ASXL3: variants seen among roughly 807,000 people sequenced by gnomAD.
The protein encoded by ASXL3 is putative Polycomb group protein ASXL3.
In ASXL3, 34 loss-of-function variants were observed where a neutral mutation model predicts 170.6. The ratio of observed to expected loss-of-function variants is 0.20; its 90% CI spans 0.15 to 0.27. The LOEUF is 0.27. Ranked by LOEUF, ASXL3 falls within the 10% of genes least tolerant of loss-of-function variation. The pLI, the probability that ASXL3 is intolerant of heterozygous loss-of-function variation, is 1.00. For synonymous variants in ASXL3, 1,002 were observed against 989.1 expected (o/e 1.01, Z -0.24); for missense variants, 2,592 against 2,695.3 (o/e 0.96, Z 0.85).
At position 33,653,472 on chromosome 18, in the gene ASXL3, G is replaced by C. The variant is rs988655528; in HGVS notation, c.355+7119G>C. The stretch of plus-strand genomic sequence containing the variant: ...TGGTGGCCTAGAGAAACTTAAGTAT[G>C]TGAGAATTATGTTGTTTTAGTTACA... On this transcript the variant is annotated intron_variant, in intron 4 of 11. Coordinates refer to ENST00000269197, the MANE Select transcript of ASXL3 (RefSeq NM_030632.3). Among the ~76,000 whole-genome samples, 7 of 152,232 alleles carry C rather than the reference G, an allele frequency of 4.6e-5. No homozygotes were observed. The South Asian group carries it at 1.4e-3, about 32-fold the overall frequency.
intron 2 of ASXL3, among the ~76,000 whole-genome samples, chr18:33,631,736 A>G (rs1333230941): frequency 6.6e-6 from 1 of 152,112 alleles, no homozygotes; most frequent in Non-Finnish European, 1.5e-5. Flanking sequence ...AGCCCCATCC[A>G]GATATTTTTA....
chr18:33,677,653 T>C (rs1241886109), intron 7 of ASXL3, among the ~76,000 whole-genome samples: 1 of 152,186 alleles, frequency 6.6e-6, no homozygotes, highest in African/African-American at 2.4e-5. Context: ...ACTTTTTGAA[T>C]ATCGAAGTTG....
intron 8 of ASXL3, among the ~76,000 whole-genome samples, chr18:33,719,928 C>T (rs555470999): frequency 3.3e-5 from 5 of 152,010 alleles, no homozygotes; most frequent in Middle Eastern, 3.2e-3. Flanking sequence ...GCAGACCAGA[C>T]AGACTAAGGC....
intron 2 of ASXL3, among the ~76,000 whole-genome samples, chr18:33,613,516 C>T (rs983483900): frequency 2.0e-5 from 3 of 152,082 alleles, no homozygotes; most frequent in African/African-American, 4.8e-5. Flanking sequence ...AAGGGAGTCA[C>T]ACAAATTGTT....
intron 8 of ASXL3, among the ~76,000 whole-genome samples, chr18:33,713,436 C>A (rs1168782609): frequency 4.6e-5 from 7 of 150,702 alleles, no homozygotes; most frequent in African/African-American, 7.3e-5. Flanking sequence ...TTTGTGTATT[C>A]TTCATGGAGA....
In ASXL3 at chr18:33,750,360, A is replaced by G. The variant is rs573580845; in HGVS notation, c.*3765A>G. On this transcript the variant is annotated 3_prime_UTR_variant, in exon 12 of 12. Coordinates refer to ENST00000269197, the MANE Select transcript of ASXL3 (RefSeq NM_030632.3). ...TATAGCACATACTATTTCGCTTTGT[A>G]CTATATTTGATAGTTGCAGAATAAT... 2.6e-5 allele frequency: 4 copies of G among 152,218 alleles called. No homozygotes were observed. The highest frequency in any genetic ancestry group is 2.0e-4 in the Admixed American group (3 of 15,276). 9.4% of individuals were successfully genotyped at this position (152,218 alleles called of 1,614,324 possible).
At chr18:33,699,801 A>C (rs557431450) in intron 8 of ASXL3, among the ~76,000 whole-genome samples, 1 of 152,016 alleles carries the variant, frequency 6.6e-6, no homozygotes, top group Non-Finnish European at 1.5e-5. Flanking sequence ...ATTTTATTTC[A>C]TAATATAGTT....
chr18:33,613,307 T>A (rs2145135451), intron 2 of ASXL3, among the ~76,000 whole-genome samples: 1 of 152,282 alleles, frequency 6.6e-6, no homozygotes, highest in Non-Finnish European at 1.5e-5. Flanking sequence ...TTCCTTACCT[T>A]ACCTGGATTA....
rs1334030952 is a variant in ASXL3 at position 33,744,397 on chromosome 18, C to T, written c.4549C>T (p.Pro1517Ser). Residue 1517 changes from proline (P) to serine (S), a missense_variant, in exon 12 of 12, where the codon CCT (proline) becomes TCT (serine). Pro to Ser is a moderately conservative substitution (Grantham distance 74). Around this residue, in one of 4 missense-constraint regions of ASXL3, gnomAD observed 2,246 missense variants for 2,219.6 expected, o/e 1.01. Transcript: ENST00000269197. The stretch of plus-strand genomic sequence containing the variant: ...GGCATCCGTACAGCCCGTGGCGTGT[C>T]CTCAGGTGTCTGTGATTAGCAGGCC... ...TEASVQPVAC[P>S]QVSVISRPEP... is the part of the protein sequence containing the mutation. 1 of 1,613,830 alleles carries T rather than the reference C, an allele frequency of 6.2e-7. No homozygotes were observed. Among genetic ancestry groups the T allele is most frequent in the Admixed American group, 1.7e-5 (1 of 59,992 alleles).
At chr18:33,705,707 A>G (rs1236535482) in intron 8 of ASXL3, among the ~76,000 whole-genome samples, 2 of 152,026 alleles carry the variant, frequency 1.3e-5, no homozygotes, top group South Asian at 2.1e-4. Flanking sequence ...GAAATTATGG[A>G]AGGAAAAAAT....
intron 8 of ASXL3, among the ~76,000 whole-genome samples, chr18:33,724,059 T>C (rs991618006): frequency 3.9e-5 from 6 of 152,180 alleles, no homozygotes; most frequent in African/African-American, 1.2e-4. Context: ...TTATATGTAC[T>C]GGGAAACCAA....
chr18:33,670,254 TTGAC>T (rs1389483605), intron 5 of ASXL3, among the ~76,000 whole-genome samples: 2 of 152,240 alleles, frequency 1.3e-5, no homozygotes, highest in East Asian at 1.9e-4. Flanking sequence ...GTTAACTTGA[TTGAC>T]TGAGCGGTAC....
chr18:33,736,802 C>T (rs1435901159), intron 10 of ASXL3, among the ~76,000 whole-genome samples: 1 of 152,178 alleles, frequency 6.6e-6, no homozygotes, highest in African/African-American at 2.4e-5. Context: ...GAACTGTGAA[C>T]ATCTTCCTCC....
intron 2 of ASXL3, among the ~76,000 whole-genome samples, chr18:33,635,235 C>T (rs2065746852): frequency 6.6e-6 from 1 of 152,132 alleles, no homozygotes; most frequent in African/African-American, 2.4e-5. Flanking sequence ...TAAATGAGGC[C>T]TAGAAAAATA....
intron 2 of ASXL3, among the ~76,000 whole-genome samples, chr18:33,632,423 C>T (rs1244189487): frequency 1.3e-5 from 2 of 152,136 alleles, no homozygotes; most frequent in African/African-American, 4.8e-5. Context: ...TTATCCTGAA[C>T]ACCACCATTA....
intron 4 of ASXL3, among the ~76,000 whole-genome samples, chr18:33,658,944 CTT>C (rs1376334108): frequency 6.6e-6 from 1 of 152,072 alleles, no homozygotes; most frequent in Non-Finnish European, 1.5e-5. Context: ...TGAATAGAAT[CTT>C]TCTTTTGGAT....
At chr18:33,715,814 G>A (rs2067155499) in intron 8 of ASXL3, among the ~76,000 whole-genome samples, 1 of 152,148 alleles carries the variant, frequency 6.6e-6, no homozygotes. Flanking sequence ...AAAGAGACGA[G>A]TGGTAGGTAA....
intron 1 of ASXL3, among the ~76,000 whole-genome samples, chr18:33,585,766 G>T (rs2065029724): frequency 6.6e-6 from 1 of 152,150 alleles, no homozygotes. Flanking sequence ...CTCCAAGGCG[G>T]TGCAATTTAG....
At chr18:33,578,715 G>C in intron 1 of ASXL3, 30 bp downstream of exon 1, 3 of 1,185,142 alleles carry the variant, frequency 2.5e-6, no homozygotes, top group Non-Finnish European at 3.2e-6. Flanking sequence ...CGCCGCCCGC[G>C]CCTCCCGCCG....
Sources: gnomAD v4.1 joint callset for allele counts (sites outside exome capture counted in the v4.1 genomes callset) on GRCh38, gnomAD v4.1.1 for gene constraint, gnomAD v4.1.1 regional missense constraint, MANE v1.5 for transcripts, NCBI Gene and HGNC (gene_info 2026-07-23, HGNC 2026-07-21) for gene names.